The following TDRD12 variants were observed in gnomAD, a reference collection of about 807,000 sequenced individuals.
TDRD12 encodes the protein tudor domain containing 12.
A neutral mutation model predicts 133.5 loss-of-function variants in TDRD12; 158 were observed. The ratio of observed to expected loss-of-function variants is 1.18; its 90% confidence interval spans 1.04 to 1.35. TDRD12 has a LOEUF of 1.35. Ranked by LOEUF, TDRD12 falls within the 40% of genes most tolerant of loss-of-function variation. TDRD12 has a pLI of 0.00. For missense variants in TDRD12, 1,443 were observed against 1,321.3 expected, an observed-to-expected ratio of 1.09 and a Z score of -1.43; for synonymous variants, 460 against 477.9, an observed-to-expected ratio of 0.96 and a Z score of 0.49.
chr19:32,819,691 A>G (rs1031077628), intron 27 of TDRD12, among the ~76,000 whole-genome samples: 3 of 152,164 alleles, frequency 2.0e-5, no homozygotes, highest in Non-Finnish European at 4.4e-5. Flanking sequence ...AAGAGACCCC[A>G]TATCAGACAG....
intron 1 of TDRD12, among the ~76,000 whole-genome samples, chr19:32,731,110 C>A (rs1002649152): frequency 2.0e-5 from 3 of 152,136 alleles, no homozygotes; most frequent in African/African-American, 7.2e-5. Context: ...AAAATACATT[C>A]CAGGAAGTCT....
At chr19:32,809,443 G>A (rs932422637) in intron 22 of TDRD12, among the ~76,000 whole-genome samples, 3 of 152,138 alleles carry the variant, frequency 2.0e-5, no homozygotes, top group Non-Finnish European at 4.4e-5. Flanking sequence ...TCGCCAGCCC[G>A]GTCCTCTCCC....
At chr19:32,801,307 T>C (rs1272703138) in intron 18 of TDRD12, among the ~76,000 whole-genome samples, 1 of 152,208 alleles carries the variant, frequency 6.6e-6, no homozygotes. Context: ...TATTCAGTTT[T>C]ATTTTGTACA....
intron 15 of TDRD12, 119 bp from the exon 16 acceptor site, chr19:32,798,189 A>G: frequency 1.0e-6 from 1 of 977,262 alleles, no homozygotes; most frequent in Non-Finnish European, 1.5e-6. Context: ...TGACTAGGAC[A>G]GAAACAGTGT....
chr19:32,784,009 C>T (rs184664084), intron 11 of TDRD12, among the ~76,000 whole-genome samples: 3 of 152,128 alleles, frequency 2.0e-5, no homozygotes, highest in East Asian at 1.9e-4. Flanking sequence ...TGCCTGATTG[C>T]CCTGCCTTTC....
exon 28 of TDRD12, chr19:32,821,035 C>T (rs1173734709): frequency 6.5e-6 from 10 of 1,535,654 alleles, no homozygotes; most frequent in African/African-American, 5.5e-5. Context: ...CCGTCTAGGA[C>T]GCCTCCAGCA....
At chr19:32,748,442 TA>T (rs1969721488) in intron 4 of TDRD12, 33 bp from the exon 5 acceptor site, 2 of 1,544,494 alleles carry the variant, frequency 1.3e-6, no homozygotes, top group East Asian at 4.9e-5. Flanking sequence ...CTCAGATTTT[TA>T]TGTAATGGAG....
In TDRD12 at chr19:32,748,353, A is replaced by G. The variant is rs1969717916; in HGVS notation, c.441-123A>G. ...GAGCAGGGCCAGTGCCAGGTGCCCC[A>G]TCATCTGCATCACGTGTTCCATATG... On this transcript the variant is annotated intron_variant, in intron 4 of 27. Transcript: ENST00000444215. 10 of 964,968 alleles carry G rather than the reference A, an allele frequency of 1.0e-5. No individual in the cohort carries two copies. In the South Asian group the frequency reaches 1.6e-4, roughly 16 times the overall value. 59.8% of individuals were successfully genotyped at this position (964,968 alleles called of 1,614,324 possible).
intron 12 of TDRD12, 147 bp downstream of exon 12, chr19:32,790,738 G>T: frequency 6.5e-7 from 1 of 1,531,736 alleles, no homozygotes; most frequent in South Asian, 1.2e-5. Context: ...TTTTAGAAAC[G>T]ATCGAATGGA....
At chr19:32,764,675 G>A (rs1970244782) in intron 8 of TDRD12, among the ~76,000 whole-genome samples, 1 of 152,166 alleles carries the variant, frequency 6.6e-6, no homozygotes, top group South Asian at 2.1e-4. Context: ...TCCATTAACT[G>A]TTCTGGCAAT....
chr19:32,804,623 G>A (rs1487942012), intron 21 of TDRD12, among the ~76,000 whole-genome samples: 1 of 151,170 alleles, frequency 6.6e-6, no homozygotes, highest in Admixed American at 6.6e-5. Context: ...AACCCTGGAG[G>A]CAGAGGTTGC....
chr19:32,766,849 A>C (rs1970311744), intron 8 of TDRD12, among the ~76,000 whole-genome samples: 1 of 151,944 alleles, frequency 6.6e-6, no homozygotes, highest in African/African-American at 2.4e-5. Context: ...TCCTGACCTT[A>C]AGTGATCCGC....
At chr19:32,767,610 C>T (rs1399514298) in intron 8 of TDRD12, among the ~76,000 whole-genome samples, 1 of 152,128 alleles carries the variant, frequency 6.6e-6, no homozygotes, top group African/African-American at 2.4e-5. Flanking sequence ...CCTTGCCATC[C>T]TGAAGGTTTT....
At chr19:32,748,344 A>T in intron 4 of TDRD12, 132 bp from the exon 5 acceptor site, 1 of 860,848 alleles carries the variant, frequency 1.2e-6, no homozygotes, top group African/African-American at 1.7e-5. Flanking sequence ...GGCCAGTGCC[A>T]GGTGCCCCAT....
At chr19:32,773,614 C>A in intron 10 of TDRD12, 82 bp downstream of exon 10, 1 of 1,288,774 alleles carries the variant, frequency 7.8e-7, no homozygotes, top group Non-Finnish European at 1.1e-6. Context: ...GGGGGGATCG[C>A]TTAAGCCCAG....
intron 11 of TDRD12, among the ~76,000 whole-genome samples, chr19:32,785,734 A>G (rs7247931): frequency 0.08 from 12,151 of 151,470 alleles, 844 homozygotes; most frequent in East Asian, 0.24. Flanking sequence ...GTTTTAGCAG[A>G]GGCCAGGATT....
At chr19:32,797,592 C>T (rs1174622124) in intron 14 of TDRD12, 143 bp from the exon 15 acceptor site, 3 of 500,172 alleles carry the variant, frequency 6.0e-6, no homozygotes, top group Middle Eastern at 2.9e-4. Flanking sequence ...GAAATTATAT[C>T]GTCACTTTTC....
At chr19:32,726,819 A>G (rs551366952) in intron 1 of TDRD12, among the ~76,000 whole-genome samples, 1 of 152,168 alleles carries the variant, frequency 6.6e-6, no homozygotes, top group South Asian at 2.1e-4. Context: ...TCTGTACCAC[A>G]TTTTGCTTAT....
intron 10 of TDRD12, among the ~76,000 whole-genome samples, chr19:32,773,988 A>T (rs1008836574): frequency 3.3e-5 from 5 of 152,138 alleles, no homozygotes; most frequent in Non-Finnish European, 7.3e-5. Context: ...TCCTGATGAG[A>T]GGGATGGCCT....
Sources: allele counts gnomAD v4.1 joint callset (sites outside exome capture counted in the v4.1 genomes callset), GRCh38; gene constraint gnomAD v4.1.1; transcripts MANE v1.5; gene names NCBI Gene and HGNC (gene_info 2026-07-23, HGNC 2026-07-21).